Variants in CAMTA1 observed in about 807,000 individuals in gnomAD.
CAMTA1 encodes calmodulin-binding transcription activator 1.
CAMTA1 carries 27 observed loss-of-function variants against 170.9 expected under a neutral mutation model. That is an observed-to-expected ratio of 0.16 (90% CI 0.12 to 0.22). The LOEUF is 0.22. Ranked by LOEUF, CAMTA1 falls within the 10% of genes least tolerant of loss-of-function variation. The pLI is 1.00. For synonymous variants in CAMTA1, 833 were observed against 891.5 expected (o/e 0.93, Z 1.17); for missense variants, 1,619 against 2,217.2 (o/e 0.73, Z 5.42).
intron 5 of CAMTA1, among the ~76,000 whole-genome samples, chr1:7,322,227 C>G (rs1678535973): frequency 6.6e-6 from 1 of 152,176 alleles, no homozygotes; most frequent in Non-Finnish European, 1.5e-5. Context: ...CGGTTAGATC[C>G]TAGGCTTGGT....
chr1:7,439,308 G>A (rs1261838649), intron 5 of CAMTA1, among the ~76,000 whole-genome samples: 5 of 152,174 alleles, frequency 3.3e-5, no homozygotes, highest in Admixed American at 6.5e-5. Context: ...CTGAGCCATC[G>A]TTGGCTGCGA....
Position 6,785,490 on chromosome 1 carries a change from C to T in CAMTA1, c.-41C>T. 1 of 1,017,164 alleles carries T rather than the reference C, an allele frequency of 9.8e-7. No individual in the cohort carries two copies. The highest frequency in any genetic ancestry group is 1.2e-6 in the Non-Finnish European group (1 of 846,672). 63.0% of individuals were successfully genotyped at this position (1,017,164 alleles called of 1,614,324 possible). On this transcript the variant is annotated 5_prime_UTR_variant, in exon 1 of 23. The change creates a new upstream start codon in the 5' untranslated region. Transcript: ENST00000303635. ...GGCTGGGCCGGCGGCGGCGGCGGTA[C>T]GAGGCGCGCGCTCGGGGTCCCGGTC...
chr1:7,691,160 G>A (rs1203386299), intron 11 of CAMTA1, among the ~76,000 whole-genome samples: 8 of 152,166 alleles, frequency 5.3e-5, no homozygotes. Context: ...TTGAAGAAAT[G>A]ACCCCCAAAC....
chr1:6,870,179 A>T (rs1369302113), intron 3 of CAMTA1, among the ~76,000 whole-genome samples: 2 of 152,152 alleles, frequency 1.3e-5, no homozygotes, highest in African/African-American at 4.8e-5. Context: ...CTAAATAATG[A>T]TGCTACTAAA....
rs1459990273 is a variant in CAMTA1, at chr1:7,456,020, C to A, written c.439-11810C>A. On this transcript the variant is annotated intron_variant, in intron 5 of 22. Transcript: ENST00000303635. The surrounding 1 kb of genome is among the most constrained non-coding windows in gnomAD (Gnocchi z 4.9). Reference sequence around the variant, plus strand: ...TCCCTGAGGCTGAAATACACAACACCCCTGCTGGCCTAACAGGCTGTTGAT... The same window carrying A: ...TCCCTGAGGCTGAAATACACAACACACCTGCTGGCCTAACAGGCTGTTGAT... 1.3e-5 allele frequency among the ~76,000 whole-genome samples: 2 copies of A among 152,188 alleles called. No homozygotes were observed. Among genetic ancestry groups the A allele is most frequent in the East Asian group, 1.9e-4 (1 of 5,186 alleles).
intron 1 of CAMTA1, among the ~76,000 whole-genome samples, chr1:6,794,663 G>GGA (rs1246864165): frequency 2.0e-5 from 3 of 152,086 alleles, no homozygotes; most frequent in African/African-American, 7.2e-5. Context: ...GGAAACATTA[G>GGA]ACATCTAGGA....
intron 5 of CAMTA1, among the ~76,000 whole-genome samples, chr1:7,264,331 T>C (rs1020907979): frequency 2.0e-5 from 3 of 152,098 alleles, no homozygotes; most frequent in African/African-American, 4.8e-5. Flanking sequence ...AGGCTGCTGA[T>C]CAACAAGTAC....
chr1:7,045,860 G>C (rs1216398388), intron 3 of CAMTA1, among the ~76,000 whole-genome samples: 1 of 152,226 alleles, frequency 6.6e-6, no homozygotes. Context: ...AAATGCAGAG[G>C]CCTCGAATGT....
intron 3 of CAMTA1, among the ~76,000 whole-genome samples, chr1:7,047,768 A>G (rs1385540230): frequency 6.9e-6 from 1 of 144,958 alleles, no homozygotes; most frequent in Non-Finnish European, 1.5e-5. Context: ...ATTGAAGCTG[A>G]TAAGTGCAGC....
chr1:7,472,923 C>A (rs1445910086), intron 6 of CAMTA1, among the ~76,000 whole-genome samples: 1 of 152,202 alleles, frequency 6.6e-6, no homozygotes, highest in African/African-American at 2.4e-5. Flanking sequence ...AAAGGGCCCC[C>A]ATGTCCAGGA....
intron 1 of CAMTA1, among the ~76,000 whole-genome samples, chr1:6,813,740 G>C (rs1450232408): frequency 6.6e-6 from 1 of 152,032 alleles, no homozygotes; most frequent in African/African-American, 2.4e-5. Flanking sequence ...TCCCGCCTCA[G>C]CCTCCCAGGT....
chr1:7,071,225 C>T (rs1180021693), intron 3 of CAMTA1, among the ~76,000 whole-genome samples: 1 of 152,130 alleles, frequency 6.6e-6, no homozygotes, highest in Non-Finnish European at 1.5e-5. Context: ...GGGGCCATGT[C>T]CCCTCTATTT....
At chr1:6,849,507 T>G (rs560912674) in intron 3 of CAMTA1, among the ~76,000 whole-genome samples, 1 of 151,826 alleles carries the variant, frequency 6.6e-6, no homozygotes, top group African/African-American at 2.4e-5. Flanking sequence ...AAGGAATAGT[T>G]GAAGATGAGG....
intron 6 of CAMTA1, among the ~76,000 whole-genome samples, chr1:7,484,852 C>T (rs576686183): frequency 9.9e-5 from 15 of 152,258 alleles, no homozygotes; most frequent in Admixed American, 3.3e-4. Flanking sequence ...ACGTGATAAC[C>T]CCTGATAGAG....
intron 4 of CAMTA1, among the ~76,000 whole-genome samples, chr1:7,171,456 T>C (rs1649579165): frequency 1.3e-5 from 2 of 152,172 alleles, no homozygotes; most frequent in Non-Finnish European, 2.9e-5. Context: ...TTGTTTCCAC[T>C]TCTGCCTCCC....
chr1:6,831,955 T>C (rs961911346), intron 3 of CAMTA1, among the ~76,000 whole-genome samples: 3 of 152,228 alleles, frequency 2.0e-5, no homozygotes, highest in East Asian at 3.8e-4. Flanking sequence ...AAACTTACTC[T>C]TTAAAAATCT....
At position 7,736,022 on chromosome 1, in the gene CAMTA1, G is replaced by A. The variant is rs907644571; in HGVS notation, c.3067-322G>A. 3.3e-5 allele frequency among the ~76,000 whole-genome samples: 5 copies of A among 151,916 alleles called. No individual in the cohort carries two copies. The highest frequency in any genetic ancestry group is 2.1e-4 in the South Asian group (1 of 4,810). The stretch of plus-strand genomic sequence containing the variant: ...ACTCCTGACCACAAGAGATCTGCCC[G>A]CCTCAGCCTCCCAAAGTGCTGGGAT... On this transcript the variant is annotated intron_variant, in intron 12 of 22. Coordinates refer to ENST00000303635, the MANE Select transcript of CAMTA1 (RefSeq NM_015215.4). The surrounding 1 kb of genome is among the most constrained non-coding windows in gnomAD (Gnocchi z 4.5).
intron 6 of CAMTA1, among the ~76,000 whole-genome samples, chr1:7,493,963 C>T (rs2693959): frequency 0.35 from 53,534 of 151,850 alleles, 10,194 homozygotes; most frequent in Middle Eastern, 0.5. Context: ...GCAGGCCACC[C>T]GCCGGCCTCT....
intron 4 of CAMTA1, among the ~76,000 whole-genome samples, chr1:7,170,943 C>T (rs1649475073): frequency 1.3e-5 from 2 of 152,102 alleles, no homozygotes; most frequent in Non-Finnish European, 2.9e-5. Context: ...TTGTGGGTGC[C>T]ATGTTCTAAG....
Sources: gnomAD v4.1 joint callset for allele counts (sites outside exome capture counted in the v4.1 genomes callset) on GRCh38, gnomAD v4.1.1 for gene constraint, Gnocchi (gnomAD v3.1) non-coding constraint, MANE v1.5 for transcripts, NCBI Gene and HGNC (gene_info 2026-07-23, HGNC 2026-07-21) for gene names.